CHCT1: variants seen among roughly 807,000 people sequenced by gnomAD.
CHCT1 encodes the protein CHD1 helical C-terminal domain containing protein 1.
the CHCT1 span, chr17:60,421,655 G>A: frequency 2.2e-6 from 2 of 929,776 alleles, no homozygotes; most frequent in Non-Finnish European, 2.6e-6. Context: ...GCGAGGGGGC[G>A]CTGCTGCCGC....
chr17:60,426,583 T>G, the CHCT1 span: 3 of 928,268 alleles, frequency 3.2e-6, no homozygotes, highest in Non-Finnish European at 4.7e-6. Flanking sequence ...TCCCCACCCC[T>G]CCATTCCCCC....
the CHCT1 span, among the ~76,000 whole-genome samples, chr17:60,424,226 C>T: frequency 6.6e-6 from 1 of 152,254 alleles, no homozygotes; most frequent in East Asian, 1.9e-4. Flanking sequence ...TTGGGGATCA[C>T]GTTTCAACAT....
chr17:60,422,398 A>C, the CHCT1 span: 137 of 1,383,860 alleles, frequency 9.9e-5, no homozygotes, highest in Admixed American at 1.5e-4. Flanking sequence ...GGCCAGCTGC[A>C]GCCACCCCTA....
At chr17:60,430,132 T>A in the CHCT1 span, among the ~76,000 whole-genome samples, 1 of 140,790 alleles carries the variant, frequency 7.1e-6, no homozygotes, top group Non-Finnish European at 1.6e-5. Context: ...CTTTTTTTTT[T>A]TTTTTTTTTT....
At chr17:60,429,583 A>AT in the CHCT1 span, 1 of 1,602,030 alleles carries the variant, frequency 6.2e-7, no homozygotes, top group Non-Finnish European at 8.5e-7. Flanking sequence ...TGTTGGGGTG[A>AT]TGCCTGGACC....
At chr17:60,424,701 T>C in the CHCT1 span, among the ~76,000 whole-genome samples, 1 of 151,898 alleles carries the variant, frequency 6.6e-6, no homozygotes, top group East Asian at 1.9e-4. Flanking sequence ...CTGGCCAACA[T>C]GGTCTCTACT....
the CHCT1 span, chr17:60,422,699 G>T: frequency 6.7e-7 from 1 of 1,482,172 alleles, no homozygotes; most frequent in Non-Finnish European, 9.0e-7. Context: ...GCTGGTTTTG[G>T]AAAGTAGAGA....
the CHCT1 span, chr17:60,426,165 A>G: frequency 1.3e-6 from 2 of 1,551,572 alleles, no homozygotes; most frequent in Non-Finnish European, 1.7e-6. Flanking sequence ...CCTCAGTGTA[A>G]AGAATACCTA....
the CHCT1 span, chr17:60,422,753 T>G: frequency 8.5e-7 from 1 of 1,170,426 alleles, no homozygotes; most frequent in Non-Finnish European, 1.2e-6. Flanking sequence ...ATAGGGTACC[T>G]GAGATAGCAA....
the CHCT1 span, chr17:60,429,406 C>T: frequency 4.3e-6 from 7 of 1,614,024 alleles, no homozygotes; most frequent in Admixed American, 3.3e-5. Context: ...CCTTGCTGGC[C>T]GACCGGGAAG....
At chr17:60,431,167 C>T in the CHCT1 span, 4 of 1,562,602 alleles carry the variant, frequency 2.6e-6, no homozygotes, top group Non-Finnish European at 3.5e-6. Context: ...TGTCTCTGAC[C>T]TTCTCTTTTT....
At chr17:60,421,487 C>CA in the CHCT1 span, 1 of 985,482 alleles carries the variant, frequency 1.0e-6, no homozygotes, top group Non-Finnish European at 1.2e-6. Context: ...AACAGGGCCA[C>CA]ACTGAGTGGG....
the CHCT1 span, chr17:60,422,423 G>C: frequency 6.8e-7 from 1 of 1,470,252 alleles, no homozygotes; most frequent in Non-Finnish European, 9.1e-7. Flanking sequence ...TGAGGAAATG[G>C]GAGCGGGGTG....
the CHCT1 span, chr17:60,422,055 A>G: frequency 1.5e-6 from 1 of 674,634 alleles, no homozygotes; most frequent in Non-Finnish European, 1.8e-6. Flanking sequence ...TATTATTAAC[A>G]ACTTCCTGGA....
chr17:60,426,974 C>T, the CHCT1 span: 1 of 906,550 alleles, frequency 1.1e-6, no homozygotes, highest in Non-Finnish European at 1.3e-6. Flanking sequence ...TTTACCCCTG[C>T]CCTGGGCAGA....
chr17:60,422,712 A>G, the CHCT1 span: 1 of 1,446,006 alleles, frequency 6.9e-7, no homozygotes, highest in Non-Finnish European at 9.2e-7. Flanking sequence ...AGTAGAGAAC[A>G]TGAAATTCAG....
the CHCT1 span, among the ~76,000 whole-genome samples, chr17:60,430,748 TGG>T: frequency 6.6e-6 from 1 of 152,260 alleles, no homozygotes. Context: ...CCCGAAGTGC[TGG>T]GATTACAGGC....
the CHCT1 span, among the ~76,000 whole-genome samples, chr17:60,427,908 C>T: frequency 6.7e-3 from 1,012 of 152,180 alleles, 13 homozygotes; most frequent in African/African-American, 0.024. Flanking sequence ...TTTGCTGTCT[C>T]GGAATGTCAT....
the CHCT1 span, chr17:60,429,292 G>C: frequency 2.0e-6 from 3 of 1,490,850 alleles, no homozygotes; most frequent in Non-Finnish European, 2.7e-6. Context: ...CAACAAATGC[G>C]GTGCTGGGAC....
Sources: gnomAD v4.1 joint callset for allele counts (sites outside exome capture counted in the v4.1 genomes callset) on GRCh38, gnomAD v4.1.1 for gene constraint, MANE v1.5 for transcripts, NCBI Gene and HGNC (gene_info 2026-07-23, HGNC 2026-07-21) for gene names.